ARHGAP24: variants seen among roughly 807,000 people sequenced by gnomAD.
The protein encoded by ARHGAP24 is Rho GTPase activating protein 24.
In ARHGAP24, 50 loss-of-function variants were observed where a neutral mutation model predicts 76.4. That is an observed-to-expected ratio of 0.65 (90% CI 0.52 to 0.83). ARHGAP24 has a LOEUF of 0.83. Ranked by LOEUF, ARHGAP24 falls within the 40% of genes least tolerant of loss-of-function variation. The pLI is 0.00. For synonymous variants in ARHGAP24, 345 were observed against 323.3 expected, an observed-to-expected ratio of 1.07 and a Z score of -0.72; for missense variants, 930 against 914.2, an observed-to-expected ratio of 1.02 and a Z score of -0.22.
intron 8 of ARHGAP24, among the ~76,000 whole-genome samples, chr4:85,978,835 C>T (rs1272516482): frequency 2.6e-5 from 4 of 152,110 alleles, no homozygotes; most frequent in African/African-American, 9.7e-5. Context: ...GACCCAATCC[C>T]AGTGTCTGTC....
chr4:85,904,669 A>G (rs1734678065), intron 3 of ARHGAP24, among the ~76,000 whole-genome samples: 1 of 152,232 alleles, frequency 6.6e-6, no homozygotes, highest in South Asian at 2.1e-4. Flanking sequence ...AAATATTGGT[A>G]TTACCTAACA....
At chr4:85,813,838 A>G in intron 3 of ARHGAP24, among the ~76,000 whole-genome samples, 1 of 145,810 alleles carries the variant, frequency 6.9e-6, no homozygotes, top group South Asian at 2.1e-4. Flanking sequence ...ATATATATAT[A>G]TATATTTGTA....
intron 3 of ARHGAP24, among the ~76,000 whole-genome samples, chr4:85,888,039 TGACCTCAGAAATTCAAA>T (rs1733663240): frequency 6.6e-6 from 1 of 152,128 alleles, no homozygotes; most frequent in Admixed American, 6.5e-5. Flanking sequence ...ATCTTACCTA[TGACCTCAGAAATTCAAA>T]TGAGGCCTCA....
At position 85,510,595 on chromosome 4, in the gene ARHGAP24, C is replaced by G. The variant is rs371272143; in HGVS notation, c.-21+35036C>G. Among the ~76,000 whole-genome samples, 180 of 149,280 alleles carry G rather than the reference C, an allele frequency of 1.2e-3. 1 individual carries two copies. The highest frequency in any genetic ancestry group is 4.4e-3 in the African/African-American group (176 of 40,392). ...CTCCTTCTTCCCTCCCCTCTCTCCC[C>G]CTTGTCTTCCCCGTCTTCCCCTCCC... is the stretch of plus-strand genomic sequence containing the variant. On this transcript the variant is annotated intron_variant, in intron 1 of 9. Transcript: ENST00000395184.
intron 1 of ARHGAP24, among the ~76,000 whole-genome samples, chr4:85,566,610 T>C (rs1240500787): frequency 6.6e-6 from 1 of 152,224 alleles, no homozygotes; most frequent in African/African-American, 2.4e-5. Flanking sequence ...CAGAGCTCCA[T>C]CTGTTGATTC....
At chr4:85,503,720 G>A (rs939991482) in intron 1 of ARHGAP24, among the ~76,000 whole-genome samples, 16 of 152,116 alleles carry the variant, frequency 1.1e-4, no homozygotes, top group Non-Finnish European at 1.9e-4. Flanking sequence ...GTCTCCTTCA[G>A]TTCTGCTCTG....
At chr4:85,536,673 G>A (rs542392465) in intron 1 of ARHGAP24, among the ~76,000 whole-genome samples, 2 of 152,188 alleles carry the variant, frequency 1.3e-5, no homozygotes, top group East Asian at 3.9e-4. Context: ...AATAATAATA[G>A]CATATATGAC....
chr4:85,737,989 C>T (rs1335763574), intron 3 of ARHGAP24, among the ~76,000 whole-genome samples: 2 of 151,872 alleles, frequency 1.3e-5, no homozygotes, highest in Non-Finnish European at 2.9e-5. Context: ...GGTATGATCT[C>T]GGCTCACTGC....
chr4:85,975,104 G>A, intron 7 of ARHGAP24, 143 bp downstream of exon 7: 1 of 734,642 alleles, frequency 1.4e-6, no homozygotes, highest in Non-Finnish European at 2.3e-6. Flanking sequence ...TGGACAAGGT[G>A]ATCTCAGAGG....
intron 2 of ARHGAP24, among the ~76,000 whole-genome samples, chr4:85,582,914 G>T (rs957852350): frequency 3.3e-5 from 5 of 152,142 alleles, no homozygotes; most frequent in Admixed American, 1.3e-4. Context: ...TACTTTATGT[G>T]GCTGGTCGGA....
intron 3 of ARHGAP24, among the ~76,000 whole-genome samples, chr4:85,725,249 A>G (rs138562405): frequency 6.6e-6 from 1 of 152,334 alleles, no homozygotes; most frequent in East Asian, 1.9e-4. Flanking sequence ...CTTGCTTTTT[A>G]CTGTATACCT....
At chr4:85,507,279 TGG>T (rs1724093592) in intron 1 of ARHGAP24, among the ~76,000 whole-genome samples, 1 of 152,112 alleles carries the variant, frequency 6.6e-6, no homozygotes, top group Non-Finnish European at 1.5e-5. Context: ...TGGAGTGCAG[TGG>T]TGCGATCATG....
intron 3 of ARHGAP24, among the ~76,000 whole-genome samples, chr4:85,918,053 T>G (rs1669548229): frequency 6.6e-6 from 1 of 152,006 alleles, no homozygotes; most frequent in Non-Finnish European, 1.5e-5. Flanking sequence ...AAATACATAG[T>G]AGAGCATCCG....
chr4:85,814,694 G>A (rs1729161303), intron 3 of ARHGAP24, among the ~76,000 whole-genome samples: 1 of 152,118 alleles, frequency 6.6e-6, no homozygotes, highest in Non-Finnish European at 1.5e-5. Flanking sequence ...GAGTGTCTAT[G>A]GCTTTTCCAG....
intron 5 of ARHGAP24, among the ~76,000 whole-genome samples, chr4:85,958,306 A>G (rs377742214): frequency 1.3e-5 from 2 of 152,234 alleles, no homozygotes; most frequent in East Asian, 3.8e-4. Flanking sequence ...TGGAATATGT[A>G]AGTGAAATTG....
At chr4:85,562,159 G>A (rs973530776) in intron 1 of ARHGAP24, among the ~76,000 whole-genome samples, 5 of 152,336 alleles carry the variant, frequency 3.3e-5, no homozygotes, top group African/African-American at 9.6e-5. Context: ...GATAGTTTTA[G>A]AATGGTGGTA....
At chr4:85,722,378 C>CAAAA (rs1200528162) in intron 3 of ARHGAP24, 5 of 141,154 alleles carry the variant, frequency 3.5e-5, no homozygotes, top group African/African-American at 1.5e-4. Context: ...GGAGGTTTTG[C>CAAAA]AAAAAACAAA....
chr4:85,553,368 G>T (rs1388220243), intron 1 of ARHGAP24, among the ~76,000 whole-genome samples: 1 of 152,138 alleles, frequency 6.6e-6, no homozygotes, highest in Non-Finnish European at 1.5e-5. Flanking sequence ...CTGCTGATTT[G>T]TCCATTTTAC....
At chr4:85,885,771 A>G (rs1733533021) in intron 3 of ARHGAP24, among the ~76,000 whole-genome samples, 1 of 152,156 alleles carries the variant, frequency 6.6e-6, no homozygotes, top group Non-Finnish European at 1.5e-5. Flanking sequence ...TGTTATGGCT[A>G]GTAGAATGGT....
Sources: gnomAD v4.1 joint callset for allele counts (sites outside exome capture counted in the v4.1 genomes callset) on GRCh38, gnomAD v4.1.1 for gene constraint, MANE v1.5 for transcripts, NCBI Gene and HGNC (gene_info 2026-07-23, HGNC 2026-07-21) for gene names.